The following RFTN2 variants were observed in gnomAD, a reference collection of about 807,000 sequenced individuals.
The protein encoded by RFTN2 is raftlin family member 2.
RFTN2 carries 34 observed loss-of-function variants against 52.7 expected under a neutral mutation model. That is an observed-to-expected ratio of 0.64 (90% CI 0.49 to 0.86). RFTN2 has a LOEUF of 0.86. Ranked by LOEUF, RFTN2 falls within the 40% of genes least tolerant of loss-of-function variation. The pLI is 0.00. For missense variants in RFTN2, 536 were observed against 600.1 expected, an observed-to-expected ratio of 0.89 and a Z score of 1.12; for synonymous variants, 203 against 217.7, an observed-to-expected ratio of 0.93 and a Z score of 0.59.
chr2:197,634,898 C>G (rs763260234), intron 3 of RFTN2, among the ~76,000 whole-genome samples: 26 of 132,020 alleles, frequency 2.0e-4, no homozygotes, highest in Non-Finnish European at 4.0e-4. Flanking sequence ...CCCCCCACCC[C>G]ACAACAGTCC....
chr2:197,585,953 G>C (rs977648571), intron 8 of RFTN2, among the ~76,000 whole-genome samples: 1 of 152,050 alleles, frequency 6.6e-6, no homozygotes, highest in Non-Finnish European at 1.5e-5. Context: ...GCTCCTTTTT[G>C]TATCTCTCAG....
intron 8 of RFTN2, among the ~76,000 whole-genome samples, chr2:197,576,136 G>A (rs147954098): frequency 2.9e-4 from 44 of 151,926 alleles, no homozygotes; most frequent in African/African-American, 9.7e-4. Context: ...AGCCTCCTGA[G>A]TAGCTGGGAC....
At position 197,616,274 on chromosome 2, in the gene RFTN2, A is replaced by ATTTATTTTATTTTT. The variant is rs879732758; in HGVS notation, c.1051-296_1051-295insAAAAATAAAATAAA. On this transcript the variant is annotated intron_variant, in intron 6 of 8. Coordinates refer to ENST00000295049, the MANE Select transcript of RFTN2 (RefSeq NM_144629.3). ...TTGGGGAGCTGGGAATCTGCATTTTATTTTATTTTATTTTATTTTATTTTA... is the reference window on the plus strand; with the variant it reads ...TTGGGGAGCTGGGAATCTGCATTTTATTTATTTTATTTTTTTTTATTTTATTTTATTTTATTTTA... Among the ~76,000 whole-genome samples the ATTTATTTTATTTTT allele has an allele frequency of 5.1e-5, 6 of 116,588 alleles. 1 individual carries two copies. The highest frequency in any genetic ancestry group is 1.5e-4 in the African/African-American group (5 of 32,492). The allele number at this position is 116,588 out of a possible 152,430, so 76.5% of individuals were successfully genotyped here.
chr2:197,568,615 A>C lies in RFTN2; in HGVS notation c.*3393T>G, dbSNP rs2087270794. ...TTTTATATAATGTGTTCTTAGTTAT[A>C]TACTATCCCCATTGTTAGCAATTTC... On this transcript the variant is annotated 3_prime_UTR_variant, in exon 9 of 9. Transcript: ENST00000295049. 6.6e-6 allele frequency: 1 copy of C among 152,134 alleles called. No homozygotes were observed. Among genetic ancestry groups the C allele is most frequent in the Non-Finnish European group, 1.5e-5 (1 of 68,006 alleles). The allele number at this position is 152,134 out of a possible 1,614,324, so 9.4% of individuals were successfully genotyped here.
At chr2:197,612,283 C>G (rs755739596) in intron 7 of RFTN2, among the ~76,000 whole-genome samples, 6 of 152,126 alleles carry the variant, frequency 3.9e-5, no homozygotes, top group Non-Finnish European at 4.4e-5. Context: ...CACCCCCTCC[C>G]TTACCCTCAC....
At chr2:197,590,449 C>T (rs139699003) in intron 8 of RFTN2, among the ~76,000 whole-genome samples, 224 of 152,134 alleles carry the variant, frequency 1.5e-3, no homozygotes, top group African/African-American at 4.4e-3. Flanking sequence ...CCATAACTTC[C>T]GAAGAAAAAA....
At chr2:197,628,187 A>G (rs142470023) in intron 5 of RFTN2, among the ~76,000 whole-genome samples, 7 of 152,258 alleles carry the variant, frequency 4.6e-5, no homozygotes, top group African/African-American at 1.7e-4. Flanking sequence ...CCCCTTGGCA[A>G]CTTCCCTGTG....
Position 197,569,917 on chromosome 2 carries a change from GA to G in RFTN2, c.*2090del, listed in dbSNP as rs1286929706. ...GAGATTGCAGCCTGGGTGACAGAGT[GA>G]GGCTCTGTCTCAAAAAAAAAAAAAA... On this transcript the variant is annotated 3_prime_UTR_variant, in exon 9 of 9. Coordinates refer to ENST00000295049, the MANE Select transcript of RFTN2 (RefSeq NM_144629.3). The G allele has an allele frequency of 1.6e-5, 2 of 125,914 alleles. No homozygotes were observed. Among genetic ancestry groups the G allele is most frequent in the African/African-American group, 6.1e-5 (2 of 32,654 alleles). 7.8% of individuals were successfully genotyped at this position (125,914 alleles called of 1,614,324 possible).
In RFTN2 at chr2:197,643,688, C is replaced by G. The variant is rs551665555; in HGVS notation, c.438+470G>C. On this transcript the variant is annotated intron_variant, in intron 3 of 8. Coordinates refer to ENST00000295049, the MANE Select transcript of RFTN2 (RefSeq NM_144629.3). ...TGTTGCAGATTTCTCTTTGATTCTT[C>G]TTTTTTAAGCTTAGTTTTCCTAGTA... Among the ~76,000 whole-genome samples the G allele has an allele frequency of 2.0e-5, 3 of 152,150 alleles. No individual in the cohort carries two copies. The East Asian group carries it at 5.8e-4, about 29-fold the overall frequency.
chr2:197,601,249 T>C (rs1157789965), intron 7 of RFTN2, among the ~76,000 whole-genome samples: 1 of 152,196 alleles, frequency 6.6e-6, no homozygotes, highest in Non-Finnish European at 1.5e-5. Context: ...ACAAAGAAGA[T>C]TCTATGTGAA....
chr2:197,620,688 T>C (rs1471624125), intron 5 of RFTN2, among the ~76,000 whole-genome samples: 2 of 152,166 alleles, frequency 1.3e-5, no homozygotes, highest in African/African-American at 2.4e-5. Context: ...CCCAGTAGGC[T>C]GGGCGCAGTG....
At chr2:197,619,773 TA>T (rs2088229032) in intron 5 of RFTN2, among the ~76,000 whole-genome samples, 1 of 147,360 alleles carries the variant, frequency 6.8e-6, no homozygotes, top group African/African-American at 2.5e-5. Context: ...AATAATAAAA[TA>T]AAATAAAATT....
chr2:197,674,151 T>C (rs2089182973), intron 1 of RFTN2, among the ~76,000 whole-genome samples: 1 of 152,028 alleles, frequency 6.6e-6, no homozygotes, highest in Non-Finnish European at 1.5e-5. Flanking sequence ...AAATTAAGAA[T>C]ATTAATTTTT....
chr2:197,588,834 T>G (rs938267383), intron 8 of RFTN2, among the ~76,000 whole-genome samples: 2 of 152,260 alleles, frequency 1.3e-5, no homozygotes, highest in Admixed American at 1.3e-4. Flanking sequence ...TTCCACGTGT[T>G]GTGGGAGGGA....
intron 5 of RFTN2, among the ~76,000 whole-genome samples, chr2:197,628,392 C>T (rs2088404656): frequency 6.6e-6 from 1 of 152,220 alleles, no homozygotes; most frequent in Non-Finnish European, 1.5e-5. Context: ...GGGAGTCTCC[C>T]TGGGGCTCTC....
intron 1 of RFTN2, among the ~76,000 whole-genome samples, chr2:197,647,390 T>C (rs2088768881): frequency 6.6e-6 from 1 of 152,068 alleles, no homozygotes; most frequent in Non-Finnish European, 1.5e-5. Flanking sequence ...TTGTATTTTT[T>C]GTAGAGGCGA....
intron 1 of RFTN2, among the ~76,000 whole-genome samples, chr2:197,662,750 G>T (rs2088996768): frequency 6.6e-6 from 1 of 151,756 alleles, no homozygotes. Flanking sequence ...CTTTTCTTTT[G>T]TTTGGTGTCC....
At position 197,654,182 on chromosome 2, in the gene RFTN2, G is replaced by A. The variant is rs912458358; in HGVS notation, c.140-7516C>T. On this transcript the variant is annotated intron_variant, in intron 1 of 8. Transcript: ENST00000295049. ...GTGGGCGGATCACTTGAGGCCAGGA[G>A]TTTGAGACGAACCTGGGCTATAATG... 1.2e-4 allele frequency among the ~76,000 whole-genome samples: 19 copies of A among 152,114 alleles called. 1 individual carries two copies. The highest frequency in any genetic ancestry group is 6.6e-5 in the Admixed American group (1 of 15,260).
chr2:197,622,282 C>A (rs957834246), intron 5 of RFTN2, among the ~76,000 whole-genome samples: 2 of 152,138 alleles, frequency 1.3e-5, no homozygotes, highest in Non-Finnish European at 2.9e-5. Context: ...GGTGGCTGCA[C>A]AAAACTACAG....
Sources: allele counts gnomAD v4.1 joint callset (sites outside exome capture counted in the v4.1 genomes callset), GRCh38; gene constraint gnomAD v4.1.1; transcripts MANE v1.5; gene names NCBI Gene and HGNC (gene_info 2026-07-23, HGNC 2026-07-21).